The following TWSG1 variants were observed in gnomAD, a reference collection of about 807,000 sequenced individuals.
TWSG1 encodes the protein twisted gastrulation protein homolog 1.
A neutral mutation model predicts 23.0 loss-of-function variants in TWSG1; 15 were observed. That is an observed-to-expected ratio of 0.65 (90% confidence interval 0.44 to 1.00). The LOEUF (loss-of-function observed/expected upper bound fraction) is 1.00. Ranked by LOEUF, TWSG1 falls within the 50% of genes least tolerant of loss-of-function variation. The probability of loss-of-function intolerance (pLI) is 0.00; values close to 1 mark genes in which losing one functional copy is unlikely to be tolerated. For missense variants in TWSG1, 242 were observed against 278.7 expected, an observed-to-expected ratio of 0.87 and a Z score of 0.94; for synonymous variants, 86 against 92.8, an observed-to-expected ratio of 0.93 and a Z score of 0.42.
chr18:9,381,759 A>C (rs2040657265), intron 3 of TWSG1, among the ~76,000 whole-genome samples: 1 of 152,190 alleles, frequency 6.6e-6, no homozygotes, highest in Non-Finnish European at 1.5e-5. Context: ...TTTATCATAC[A>C]ACTAGTAAAG....
intron 3 of TWSG1, among the ~76,000 whole-genome samples, chr18:9,386,851 C>CT (rs2040687444): frequency 6.6e-6 from 1 of 152,192 alleles, no homozygotes. Context: ...ATCAGTATCA[C>CT]TGGGCCAATG....
chr18:9,367,385 C>T (rs1276136901), intron 3 of TWSG1, among the ~76,000 whole-genome samples: 5 of 152,134 alleles, frequency 3.3e-5, no homozygotes, highest in South Asian at 4.1e-4. Context: ...TTCTGCTCAC[C>T]GCTTCTGTGA....
At chr18:9,370,464 G>A (rs1037988096) in intron 3 of TWSG1, among the ~76,000 whole-genome samples, 3 of 152,122 alleles carry the variant, frequency 2.0e-5, no homozygotes, top group African/African-American at 7.2e-5. Flanking sequence ...ACATATACCA[G>A]AATTGGTATG....
At chr18:9,369,556 G>A (rs760586215) in intron 3 of TWSG1, among the ~76,000 whole-genome samples, 7 of 151,814 alleles carry the variant, frequency 4.6e-5, no homozygotes, top group African/African-American at 1.5e-4. Context: ...ATGAGCCACC[G>A]CACCTGGGCC....
chr18:9,366,095 T>C (rs2040577483), intron 3 of TWSG1, among the ~76,000 whole-genome samples: 2 of 152,234 alleles, frequency 1.3e-5, no homozygotes, highest in Non-Finnish European at 2.9e-5. Context: ...CTGTTTAGCA[T>C]GTCGTGGAAC....
intron 3 of TWSG1, among the ~76,000 whole-genome samples, chr18:9,387,503 A>T (rs1165929736): frequency 6.6e-6 from 1 of 152,082 alleles, no homozygotes; most frequent in East Asian, 1.9e-4. Context: ...GCGATGGCTC[A>T]TGCGTAATCC....
chr18:9,386,578 T>TA (rs537205151), intron 3 of TWSG1, among the ~76,000 whole-genome samples: 236 of 133,276 alleles, frequency 1.8e-3, no homozygotes, highest in Admixed American at 4.0e-3. Context: ...CCAGAAGAAT[T>TA]AAAAAAAAAA....
intron 2 of TWSG1, among the ~76,000 whole-genome samples, chr18:9,341,236 C>T (rs1179364424): frequency 6.6e-6 from 1 of 152,218 alleles, no homozygotes; most frequent in Non-Finnish European, 1.5e-5. Context: ...GGAAAATACA[C>T]TCTGCCACAT....
intron 3 of TWSG1, chr18:9,388,297 T>G (rs2040695072): frequency 6.6e-6 from 1 of 152,254 alleles, no homozygotes; most frequent in African/African-American, 2.4e-5. Flanking sequence ...TTTATGAAGT[T>G]CAAAGAAAAG....
intron 3 of TWSG1, among the ~76,000 whole-genome samples, 194 bp from the exon 4 acceptor site, chr18:9,396,086 G>C (rs1277295308): frequency 1.4e-5 from 2 of 145,856 alleles, no homozygotes; most frequent in African/African-American, 5.1e-5. Flanking sequence ...AACAAGATCT[G>C]AGCGTTCAGT....
chr18:9,363,677 G>A (rs542321866), intron 3 of TWSG1, among the ~76,000 whole-genome samples: 3 of 152,218 alleles, frequency 2.0e-5, no homozygotes, highest in Admixed American at 2.0e-4. Flanking sequence ...CCAGGCTGGA[G>A]TGCACTGGTG....
In TWSG1 at chr18:9,335,825, A is replaced by T. The variant is rs899461395; in HGVS notation, c.-38+905A>T. On this transcript the variant is annotated intron_variant, in intron 1 of 4. Coordinates refer to ENST00000262120, the MANE Select transcript of TWSG1 (RefSeq NM_020648.6). ...TTATTTTTCCTTTAATGTACTTTGT[A>T]ACACTTAGAATAAAAGTTTAGAGTA... is the stretch of plus-strand genomic sequence containing the variant. Among the ~76,000 whole-genome samples, 6 of 152,202 alleles carry T rather than the reference A, an allele frequency of 3.9e-5. No individual in the cohort carries two copies. In the South Asian group the frequency reaches 1.2e-3, roughly 31 times the overall value.
intron 3 of TWSG1, among the ~76,000 whole-genome samples, chr18:9,369,201 T>G (rs1462880416): frequency 2.0e-5 from 3 of 152,192 alleles, no homozygotes; most frequent in African/African-American, 4.8e-5. Flanking sequence ...ATTTTGAGAA[T>G]TTTTACATAT....
intron 2 of TWSG1, among the ~76,000 whole-genome samples, chr18:9,341,958 T>C (rs777093487): frequency 8.5e-5 from 13 of 152,130 alleles, no homozygotes; most frequent in Non-Finnish European, 1.6e-4. Context: ...AGCAAAGAAA[T>C]CAGTTTTTTC....
intron 3 of TWSG1, among the ~76,000 whole-genome samples, chr18:9,382,588 C>T (rs1271323314): frequency 6.6e-6 from 1 of 151,564 alleles, no homozygotes; most frequent in Non-Finnish European, 1.5e-5. Context: ...CTGAGGCGGG[C>T]AGATCACCTG....
rs192762673 is a variant in TWSG1 at position 9,345,028 on chromosome 18, G to A, written c.123+7676G>A. 2.0e-3 allele frequency among the ~76,000 whole-genome samples: 299 copies of A among 152,266 alleles called. 2 individuals are homozygous for A. Among genetic ancestry groups the A allele is most frequent in the African/African-American group, 6.4e-3 (266 of 41,540 alleles). On this transcript the variant is annotated intron_variant, in intron 2 of 4. Transcript: ENST00000262120. ...CCTGTCTTGGCCTCTCAAAGCGCTG[G>A]AATTACAGGTGTGAGCCACCATGCC... is the stretch of plus-strand genomic sequence containing the variant.
chr18:9,386,239 C>G (rs1186524204), intron 3 of TWSG1, among the ~76,000 whole-genome samples: 1 of 151,368 alleles, frequency 6.6e-6, no homozygotes, highest in Non-Finnish European at 1.5e-5. Context: ...GTGGGCAGAT[C>G]ACCTGAGGTC....
At chr18:9,364,429 C>T (rs910321837) in intron 3 of TWSG1, among the ~76,000 whole-genome samples, 9 of 152,074 alleles carry the variant, frequency 5.9e-5, no homozygotes, top group Admixed American at 1.3e-4. Flanking sequence ...GATAAAGGTC[C>T]CCATCAGCCT....
intron 3 of TWSG1, among the ~76,000 whole-genome samples, chr18:9,390,453 G>A (rs559634703): frequency 3.2e-4 from 48 of 152,044 alleles, no homozygotes; most frequent in African/African-American, 9.9e-4. Context: ...GAGCCACTGC[G>A]CCCAGCCTTC....
Sources: allele counts gnomAD v4.1 joint callset (sites outside exome capture counted in the v4.1 genomes callset), GRCh38; gene constraint gnomAD v4.1.1; transcripts MANE v1.5; gene names NCBI Gene and HGNC (gene_info 2026-07-23, HGNC 2026-07-21).